CDH4: variants seen among roughly 807,000 people sequenced by gnomAD.
CDH4 encodes cadherin 4, also known as cadherin-4.
CDH4 carries 33 observed loss-of-function variants against 86.0 expected under a neutral mutation model. The ratio of observed to expected loss-of-function variants is 0.38; its 90% confidence interval spans 0.29 to 0.51. CDH4 has a LOEUF of 0.51. Ranked by LOEUF, CDH4 falls within the 20% of genes least tolerant of loss-of-function variation. The pLI is 0.86. For missense variants in CDH4, 1,114 were observed against 1,307.4 expected (o/e 0.85, Z 2.28); for synonymous variants, 555 against 549.4 (o/e 1.01, Z -0.14).
chr20:61,863,724 A>G (rs1983426338), intron 6 of CDH4, among the ~76,000 whole-genome samples: 1 of 152,168 alleles, frequency 6.6e-6, no homozygotes, highest in South Asian at 2.1e-4. Flanking sequence ...AGAGGGACAG[A>G]GCAGCTCTAG....
At chr20:61,707,409 A>T (rs1237080396) in intron 2 of CDH4, among the ~76,000 whole-genome samples, 1 of 152,192 alleles carries the variant, frequency 6.6e-6, no homozygotes, top group Non-Finnish European at 1.5e-5. Flanking sequence ...ATCTTAAACC[A>T]AGGCCTTCAG....
intron 2 of CDH4, among the ~76,000 whole-genome samples, chr20:61,580,652 T>G (rs1199842095): frequency 1.3e-5 from 2 of 151,958 alleles, no homozygotes; most frequent in Non-Finnish European, 2.9e-5. Flanking sequence ...GGGGGGAAAT[T>G]AGCCCCCTTA....
At chr20:61,363,600 T>G (rs1357978075) in intron 2 of CDH4, among the ~76,000 whole-genome samples, 1 of 152,208 alleles carries the variant, frequency 6.6e-6, no homozygotes, top group Non-Finnish European at 1.5e-5. Context: ...GTTAGGCTGA[T>G]GCCAGGGATG....
intron 2 of CDH4, among the ~76,000 whole-genome samples, chr20:61,367,960 T>C (rs1325601557): frequency 6.9e-6 from 1 of 145,162 alleles, no homozygotes; most frequent in Non-Finnish European, 1.5e-5. Flanking sequence ...AACCTCTGCC[T>C]CCTGGGTTCA....
chr20:61,674,984 AT>A (rs2145850100), intron 2 of CDH4, among the ~76,000 whole-genome samples: 1 of 152,326 alleles, frequency 6.6e-6, no homozygotes, highest in South Asian at 2.1e-4. Flanking sequence ...AGAAAGAGAC[AT>A]TGTGGCCCAC....
chr20:61,745,397 C>T (rs754573320), intron 3 of CDH4, among the ~76,000 whole-genome samples: 2 of 152,046 alleles, frequency 1.3e-5, no homozygotes, highest in Non-Finnish European at 2.9e-5. Flanking sequence ...CAGATGGAAG[C>T]GGAGATGGAA....
At chr20:61,261,381 G>T (rs1236225382) in intron 2 of CDH4, among the ~76,000 whole-genome samples, 1 of 152,192 alleles carries the variant, frequency 6.6e-6, no homozygotes, top group Non-Finnish European at 1.5e-5. Flanking sequence ...AAAGATTCAG[G>T]TTTTGCGTTT....
chr20:61,346,954 C>T (rs1405797867), intron 2 of CDH4, among the ~76,000 whole-genome samples: 1 of 152,110 alleles, frequency 6.6e-6, no homozygotes, highest in Admixed American at 6.5e-5. Context: ...GCTTGCTCCC[C>T]TGCAGATTGG....
At chr20:61,841,313 T>A (rs1982159593) in intron 4 of CDH4, among the ~76,000 whole-genome samples, 1 of 152,234 alleles carries the variant, frequency 6.6e-6, no homozygotes, top group Non-Finnish European at 1.5e-5. Flanking sequence ...CTCAGCTGCC[T>A]GCTCTCCTGC....
intron 2 of CDH4, among the ~76,000 whole-genome samples, chr20:61,511,484 C>T (rs1209912935): frequency 1.3e-5 from 2 of 152,230 alleles, no homozygotes; most frequent in African/African-American, 4.8e-5. Flanking sequence ...AAACAGTAGA[C>T]TCAGAGATGC....
intron 6 of CDH4, 36 bp downstream of exon 6, chr20:61,852,934 T>G (rs1432860636): frequency 6.2e-7 from 1 of 1,610,238 alleles, no homozygotes; most frequent in Non-Finnish European, 8.5e-7. Flanking sequence ...GGAGACCCTG[T>G]GGGCTCTGCG....
At chr20:61,657,856 G>A (rs964088240) in intron 2 of CDH4, among the ~76,000 whole-genome samples, 3 of 152,184 alleles carry the variant, frequency 2.0e-5, no homozygotes, top group Non-Finnish European at 4.4e-5. Context: ...TAAAAATACA[G>A]TGCTGTGCCC....
At chr20:61,620,408 AGATGGAT>A (rs2086766575) in intron 2 of CDH4, among the ~76,000 whole-genome samples, 1 of 151,858 alleles carries the variant, frequency 6.6e-6, no homozygotes, top group Non-Finnish European at 1.5e-5. Context: ...ATGGATAGAT[AGATGGAT>A]GATGGATGGA....
At chr20:61,715,522 C>G (rs1303833386) in intron 2 of CDH4, among the ~76,000 whole-genome samples, 1 of 152,206 alleles carries the variant, frequency 6.6e-6, no homozygotes, top group African/African-American at 2.4e-5. Flanking sequence ...ATAACAAGCC[C>G]ACTCCCAAGA....
At chr20:61,921,195 TGTC>T (rs1223965741) in intron 9 of CDH4, among the ~76,000 whole-genome samples, 2 of 135,090 alleles carry the variant, frequency 1.5e-5, no homozygotes, top group Non-Finnish European at 3.0e-5. Flanking sequence ...GGAAGCGTGG[TGTC>T]GTGATTGCAT....
chr20:61,469,209 A>G (rs2085489023), intron 2 of CDH4, among the ~76,000 whole-genome samples: 1 of 152,054 alleles, frequency 6.6e-6, no homozygotes. Context: ...CCTCACCAGC[A>G]TTTGTTATTG....
chr20:61,437,376 GC>G (rs1298562404), intron 2 of CDH4: 1 of 152,220 alleles, frequency 6.6e-6, no homozygotes, highest in Non-Finnish European at 1.5e-5. Flanking sequence ...ATAGCATTTA[GC>G]CGACGAAATA....
rs1013062358 is a variant in CDH4 at position 61,392,402 on chromosome 20, C to T, written c.169+137465C>T. On this transcript the variant is annotated intron_variant, in intron 2 of 15. Transcript: ENST00000614565. The surrounding 1 kb of genome is among the most constrained non-coding windows in gnomAD (Gnocchi z 5.7). ...ATCACAGGGCGCCACCGGGATGGAA[C>T]GCACGGCGCCCCGACGTGATTTTCC... Among the ~76,000 whole-genome samples the T allele has an allele frequency of 6.6e-6, 1 of 152,166 alleles. No homozygotes were observed.
chr20:61,603,594 C>T (rs2086619948), intron 2 of CDH4, among the ~76,000 whole-genome samples: 2 of 152,188 alleles, frequency 1.3e-5, no homozygotes, highest in African/African-American at 2.4e-5. Context: ...CGGGCCCTCA[C>T]CTGCTAGGTC....
Sources: gnomAD v4.1 joint callset for allele counts (sites outside exome capture counted in the v4.1 genomes callset) on GRCh38, gnomAD v4.1.1 for gene constraint, Gnocchi (gnomAD v3.1) non-coding constraint, MANE v1.5 for transcripts, NCBI Gene and HGNC (gene_info 2026-07-23, HGNC 2026-07-21) for gene names.